The following FBXL18 variants were observed in gnomAD, a reference collection of about 807,000 sequenced individuals.
FBXL18 encodes the protein F-box and leucine rich repeat protein 18.
In FBXL18, 36 loss-of-function variants were observed where a neutral mutation model predicts 46.0. That is an observed-to-expected ratio of 0.78 (90% CI 0.60 to 1.03). The LOEUF is 1.03. FBXL18 is among the 50% of genes least tolerant of loss of function. The pLI is 0.00. For missense variants in FBXL18, 977 were observed against 1,004.1 expected, an observed-to-expected ratio of 0.97 and a Z score of 0.36; for synonymous variants, 557 against 465.3, an observed-to-expected ratio of 1.20 and a Z score of -2.54.
chr7:5,457,551 T>G (rs1382375632), intron 4 of FBXL18, among the ~76,000 whole-genome samples: 1 of 152,174 alleles, frequency 6.6e-6, no homozygotes, highest in Admixed American at 6.5e-5. Flanking sequence ...CTGCAGAAAC[T>G]CAATGGAGCA....
rs780853194 is a variant in FBXL18, at chr7:5,476,632, C to CT, written c.*5142dup. ...AGGCACATGTACAATGCCCAGCTAA[C>CT]TTTTTTTTTTATTTTATGTAGCGAT... is the stretch of plus-strand genomic sequence containing the variant. On this transcript the variant is annotated 3_prime_UTR_variant, in exon 5 of 5. Coordinates refer to ENST00000382368, the MANE Select transcript of FBXL18 (RefSeq NM_024963.6). 2.3e-4 allele frequency: 35 copies of CT among 149,526 alleles called. No individual in the cohort carries two copies. The highest frequency in any genetic ancestry group is 4.3e-4 in the South Asian group (2 of 4,702). The allele number at this position is 149,526 out of a possible 1,614,324, so 9.3% of individuals were successfully genotyped here.
intron 4 of FBXL18, among the ~76,000 whole-genome samples, chr7:5,482,658 G>C: frequency 6.6e-6 from 1 of 151,870 alleles, no homozygotes; most frequent in East Asian, 1.9e-4. Flanking sequence ...ACCAACCACA[G>C]TCCCCCAGCG....
chr7:5,462,032 G>A (rs776788803), intron 4 of FBXL18, among the ~76,000 whole-genome samples: 6 of 152,070 alleles, frequency 3.9e-5, no homozygotes, highest in African/African-American at 9.7e-5. Context: ...ACCTGAGGTC[G>A]AGTTCGAGAC....
chr7:5,505,955 C>T lies in FBXL18; in HGVS notation c.19-325G>A, dbSNP rs1429264298. 3.9e-5 allele frequency among the ~76,000 whole-genome samples: 6 copies of T among 152,154 alleles called. 1 individual carries two copies. In the East Asian group the frequency reaches 9.6e-4, roughly 24 times the overall value. ...TCTCGGCTCACTGCAACCTCCGCCTCCCAGGCTCAAGAGATTCTCCTGCCT... is the reference window on the plus strand; with the variant it reads ...TCTCGGCTCACTGCAACCTCCGCCTTCCAGGCTCAAGAGATTCTCCTGCCT... On this transcript the variant is annotated intron_variant, in intron 1 of 4. Coordinates refer to ENST00000382368, the MANE Select transcript of FBXL18 (RefSeq NM_024963.6).
At chr7:5,463,004 T>TATATATATACAC (rs1221961422) in intron 4 of FBXL18, among the ~76,000 whole-genome samples, 6 of 83,926 alleles carry the variant, frequency 7.1e-5, no homozygotes, top group East Asian at 3.4e-4. Context: ...ATAATATATA[T>TATATATATACAC]ACACACACAC....
rs1285442944 is a variant in FBXL18 at position 5,477,827 on chromosome 7, T to G, written c.*3948A>C. 6.6e-6 allele frequency: 1 copy of G among 152,300 alleles called. No homozygotes were observed. Among genetic ancestry groups the G allele is most frequent in the Admixed American group, 6.5e-5 (1 of 15,278 alleles). The allele number at this position is 152,300 out of a possible 1,614,324, so 9.4% of individuals were successfully genotyped here. A position where few individuals can be genotyped will look rare whatever the true frequency, so the allele number is the denominator to read the frequency against. ...GGATCAAGGTCCCCGCATCCAGGCC[T>G]CCAGCACCCTCCATCCCTGCAGGAG... On this transcript the variant is annotated 3_prime_UTR_variant, in exon 5 of 5. Transcript: ENST00000382368. The surrounding 1 kb of genome is among the most constrained non-coding windows in gnomAD (Gnocchi z 4.4).
chr7:5,461,057 C>T (rs540134420), intron 4 of FBXL18, among the ~76,000 whole-genome samples: 1 of 152,302 alleles, frequency 6.6e-6, no homozygotes, highest in South Asian at 2.1e-4. Flanking sequence ...ATTAGGTCCC[C>T]GCCAGCCTTT....
chr7:5,505,031 G>A lies in FBXL18; in HGVS notation c.237+381C>T, dbSNP rs192529962. ...AATTGGAACTCCTGCACCCTGCTGG[G>A]GGGTGCAAAATGGTGCCCTCCCACT... On this transcript the variant is annotated intron_variant, in intron 2 of 4. Transcript: ENST00000382368. 2.7e-3 allele frequency among the ~76,000 whole-genome samples: 409 copies of A among 151,090 alleles called. 1 individual carries two copies. The highest frequency in any genetic ancestry group is 0.014 in the Middle Eastern group (4 of 286).
Position 5,513,761 on chromosome 7 carries a change from T to G in FBXL18, c.-87A>C. The G allele has an allele frequency of 6.5e-7, 1 of 1,530,622 alleles. No homozygotes were observed. Among genetic ancestry groups the G allele is most frequent in the Non-Finnish European group, 8.8e-7 (1 of 1,133,388 alleles). 94.8% of individuals were successfully genotyped at this position (1,530,622 alleles called of 1,614,324 possible). On this transcript the variant is annotated 5_prime_UTR_variant, in exon 1 of 5. Transcript: ENST00000382368. ...GCTAGGGATGCTCGAAGCCGGCGCG[T>G]CCACCGCTCAACCGAGACCCCGGCA...
intron 4 of FBXL18, among the ~76,000 whole-genome samples, chr7:5,485,351 G>A (rs1025015485): frequency 3.9e-5 from 6 of 152,164 alleles, no homozygotes; most frequent in East Asian, 1.9e-4. Flanking sequence ...AGTCTGCTAC[G>A]TACATAATGA....
intron 1 of FBXL18, among the ~76,000 whole-genome samples, chr7:5,511,466 C>T (rs11767088): frequency 0.25 from 38,158 of 151,718 alleles, 5,054 homozygotes; most frequent in Middle Eastern, 0.31. Flanking sequence ...CAAATGCGGA[C>T]GTAGTGGCAC....
At chr7:5,488,327 G>A (rs772638763) in intron 4 of FBXL18, among the ~76,000 whole-genome samples, 5 of 152,232 alleles carry the variant, frequency 3.3e-5, no homozygotes, top group South Asian at 4.1e-4. Flanking sequence ...CGCCTGTAGC[G>A]CCATGCAGAG....
Position 5,501,108 on chromosome 7 carries a change from G to GT in FBXL18, c.1160dup (p.His387GlnfsTer41). On this transcript the variant is annotated frameshift_variant, in exon 3 of 5. Coordinates refer to ENST00000382368, the MANE Select transcript of FBXL18 (RefSeq NM_024963.6). LOFTEE classifies it high-confidence loss of function. ...GGTGGTGGGCGGCCGAGAGGTTCAG[G>GT]TGGCGCAGGTTGCAGCAGGACGCCA... is the stretch of plus-strand genomic sequence containing the variant. 1 of 1,612,866 alleles carries GT rather than the reference G, an allele frequency of 6.2e-7. No individual in the cohort carries two copies.
At chr7:5,454,759 A>C (rs1783148951) in intron 4 of FBXL18, among the ~76,000 whole-genome samples, 1 of 152,186 alleles carries the variant, frequency 6.6e-6, no homozygotes, top group East Asian at 1.9e-4. Context: ...TCCAGCCTGC[A>C]GGGCCCCATC....
At chr7:5,492,133 A>G (rs1175470278) in intron 3 of FBXL18, among the ~76,000 whole-genome samples, 1 of 150,672 alleles carries the variant, frequency 6.6e-6, no homozygotes, top group Non-Finnish European at 1.5e-5. Flanking sequence ...CCAAGGCTAC[A>G]GTGACAGAGA....
chr7:5,501,553 G>C lies in FBXL18; in HGVS notation c.716C>G (p.Pro239Arg). The C allele has an allele frequency of 6.2e-7, 1 of 1,613,922 alleles. No individual in the cohort carries two copies. Among genetic ancestry groups the C allele is most frequent in the South Asian group, 1.1e-5 (1 of 91,080 alleles). ...NLRVFYARLA[P>R]GYINQEVVRL... ...CACCACCTCCTGGTTGATGTAGCCG[G>C]GGGCCAGGCGCGCATAGAAGACCCG... The change falls in exon 3 of 5, where the codon CCC (proline) becomes CGC (arginine). Residue 239 changes from proline (P) to arginine (R), a missense_variant. Transcript: ENST00000382368.
intron 1 of FBXL18, 33 bp from the exon 2 acceptor site, chr7:5,505,663 T>A (rs2128238409): frequency 6.3e-7 from 1 of 1,584,764 alleles, no homozygotes; most frequent in East Asian, 2.2e-5. Context: ...TCCCACAGGA[T>A]CCCCAAGGAT....
intron 3 of FBXL18, among the ~76,000 whole-genome samples, chr7:5,497,654 AG>A (rs1203664970): frequency 6.6e-6 from 1 of 151,986 alleles, no homozygotes; most frequent in African/African-American, 2.4e-5. Context: ...TCTGCGGGAG[AG>A]GGGAGATTTA....
At chr7:5,485,875 G>GAA (rs1783758351) in intron 4 of FBXL18, among the ~76,000 whole-genome samples, 2 of 151,918 alleles carry the variant, frequency 1.3e-5, no homozygotes, top group African/African-American at 4.8e-5. Context: ...TCAACATGGT[G>GAA]AAACCCCATC....
Sources: allele counts gnomAD v4.1 joint callset (sites outside exome capture counted in the v4.1 genomes callset), GRCh38; gene constraint gnomAD v4.1.1; non-coding constraint Gnocchi (gnomAD v3.1); transcripts MANE v1.5; gene names NCBI Gene and HGNC (gene_info 2026-07-23, HGNC 2026-07-21).